Variants in KANSL1 observed in about 807,000 individuals in gnomAD.
The protein encoded by KANSL1 is KAT8 regulatory NSL complex subunit 1.
KANSL1 carries 22 observed loss-of-function variants against 103.6 expected under a neutral mutation model. The ratio of observed to expected loss-of-function variants is 0.21; its 90% CI spans 0.15 to 0.30. The LOEUF is 0.30. KANSL1 is among the 10% of genes least tolerant of loss of function. KANSL1 has a pLI of 1.00. For missense variants in KANSL1, 1,337 were observed against 1,399.8 expected (o/e 0.96, Z 0.72); for synonymous variants, 600 against 527.6 (o/e 1.14, Z -1.88).
chr17:46,109,411 T>C (rs1026841856), intron 2 of KANSL1, among the ~76,000 whole-genome samples: 20 of 152,354 alleles, frequency 1.3e-4, no homozygotes, highest in Admixed American at 4.6e-4. Flanking sequence ...AATTATATGA[T>C]ACGTGTAAGA....
At chr17:46,217,243 A>G (rs1178467389) in intron 1 of KANSL1, among the ~76,000 whole-genome samples, 1 of 152,132 alleles carries the variant, frequency 6.6e-6, no homozygotes, top group African/African-American at 2.4e-5. Flanking sequence ...TAAGAGGCCG[A>G]GGTGGGTGGA....
In KANSL1 at chr17:46,039,175, C is replaced by G; in HGVS notation, c.2244G>C (p.Arg748Ser). 6.2e-7 allele frequency: 1 copy of G among 1,602,910 alleles called. No homozygotes were observed. The highest frequency in any genetic ancestry group is 8.5e-7 in the Non-Finnish European group (1 of 1,176,328). ...CGGCCCCCACATCGTCTAAGTGCTG[C>G]CTGTGGGTCCTGTCAGGCCGGGTTT... is the stretch of plus-strand genomic sequence containing the variant. ...HHQTRPDRTH[R>S]QHLDDVGAVP... The change falls in exon 9 of 15, where the codon AGG becomes AGC. Residue 748 changes from arginine (R) to serine (S), a missense_variant. Physicochemically the swap from Arg to Ser is moderately radical, Grantham distance 110 (BLOSUM62 -1). Around this residue, in one of 2 missense-constraint regions of KANSL1, gnomAD observed 780 missense variants for 923.4 expected, o/e 0.84. Coordinates refer to ENST00000432791, the MANE Select transcript of KANSL1 (RefSeq NM_015443.4).
At chr17:46,174,941 C>A (rs969481092) in intron 1 of KANSL1, among the ~76,000 whole-genome samples, 14 of 152,218 alleles carry the variant, frequency 9.2e-5, no homozygotes, top group Non-Finnish European at 1.3e-4. Flanking sequence ...TAGGCATAAG[C>A]CGCCATGCCC....
chr17:46,054,041 T>C (rs185573290), intron 6 of KANSL1, among the ~76,000 whole-genome samples: 19 of 152,284 alleles, frequency 1.2e-4, no homozygotes, highest in African/African-American at 4.6e-4. Flanking sequence ...GGTGGCTCAC[T>C]TGAGCCCAGG....
At chr17:46,059,047 G>A (rs1371411621) in intron 6 of KANSL1, among the ~76,000 whole-genome samples, 12 of 136,528 alleles carry the variant, frequency 8.8e-5, no homozygotes, top group East Asian at 2.0e-4. Flanking sequence ...ACTCCATCTC[G>A]GAAAAAAAAA....
At chr17:46,144,124 G>GA (rs1253731648) in intron 2 of KANSL1, among the ~76,000 whole-genome samples, 5 of 152,140 alleles carry the variant, frequency 3.3e-5, no homozygotes, top group African/African-American at 1.2e-4. Flanking sequence ...TTAGGTCAAG[G>GA]AAAGATATAA....
chr17:46,084,360 C>A (rs986108153), intron 3 of KANSL1, among the ~76,000 whole-genome samples: 1 of 151,730 alleles, frequency 6.6e-6, no homozygotes, highest in African/African-American at 2.4e-5. Flanking sequence ...CCAGCCTGGG[C>A]GACAGACCAA....
In KANSL1 at chr17:46,173,265, T is replaced by C. The variant is rs187856430; in HGVS notation, c.-89-1033A>G. Among the ~76,000 whole-genome samples, 403 of 152,322 alleles carry C rather than the reference T, an allele frequency of 2.6e-3. 3 individuals carry two copies. Among genetic ancestry groups the C allele is most frequent in the Non-Finnish European group, 2.5e-3 (170 of 68,030 alleles). On this transcript the variant is annotated intron_variant, in intron 1 of 14. Coordinates refer to ENST00000432791, the MANE Select transcript of KANSL1 (RefSeq NM_015443.4). ...CTAGTATGGTGAGGTTTCTTAACCA[T>C]AAGAAAAACTTCTGAGCTGCACTAA...
intron 2 of KANSL1, among the ~76,000 whole-genome samples, chr17:46,098,168 C>T (rs552164825): frequency 2.0e-5 from 3 of 150,024 alleles, no homozygotes; most frequent in Non-Finnish European, 4.4e-5. Context: ...AACAAAAATG[C>T]CCCCTACCCA....
At chr17:46,076,723 T>C (rs997032343) in intron 4 of KANSL1, among the ~76,000 whole-genome samples, 3 of 151,934 alleles carry the variant, frequency 2.0e-5, no homozygotes, top group Non-Finnish European at 4.4e-5. Flanking sequence ...TTTTCAGAAG[T>C]TTTATGGTTT....
intron 2 of KANSL1, among the ~76,000 whole-genome samples, chr17:46,139,755 C>CTT (rs2044327955): frequency 6.6e-6 from 1 of 152,126 alleles, no homozygotes; most frequent in Admixed American, 6.5e-5. Flanking sequence ...CGTCCCTCTC[C>CTT]TACAACAGCA....
At chr17:46,047,348 T>C (rs866534529) in intron 7 of KANSL1, among the ~76,000 whole-genome samples, 76 of 152,246 alleles carry the variant, frequency 5.0e-4, no homozygotes, top group African/African-American at 1.7e-3. Context: ...AAATAAACTT[T>C]TGTTGCAACA....
At chr17:46,096,311 C>CTTTTTCTT (rs1555760872) in intron 2 of KANSL1, among the ~76,000 whole-genome samples, 1 of 76,406 alleles carries the variant, frequency 1.3e-5, no homozygotes, top group African/African-American at 5.6e-5. Context: ...GCTTTTTTTT[C>CTTTTTCTT]TTTTTTTTTT....
At chr17:46,157,313 A>G (rs2045483922) in intron 2 of KANSL1, among the ~76,000 whole-genome samples, 1 of 152,250 alleles carries the variant, frequency 6.6e-6, no homozygotes, top group Non-Finnish European at 1.5e-5. Context: ...CCCAAGAGCA[A>G]TTCTGTACCT....
intron 2 of KANSL1, among the ~76,000 whole-genome samples, chr17:46,143,825 AAAAG>A (rs1299301153): frequency 1.3e-5 from 2 of 150,882 alleles, no homozygotes; most frequent in South Asian, 2.1e-4. Context: ...AAAAAAAAAA[AAAAG>A]AAGTTGTTAT....
At chr17:46,058,741 A>ACTCTCTCT (rs1286306364) in intron 6 of KANSL1, among the ~76,000 whole-genome samples, 6 of 73,588 alleles carry the variant, frequency 8.2e-5, no homozygotes, top group African/African-American at 2.3e-4. Flanking sequence ...ACACACACAC[A>ACTCTCTCT]CACTCTCTCT....
chr17:46,085,906 G>A (rs1328429466), intron 3 of KANSL1, among the ~76,000 whole-genome samples: 1 of 152,160 alleles, frequency 6.6e-6, no homozygotes, highest in Non-Finnish European at 1.5e-5. Context: ...GGGATTACAT[G>A]TGCAAGCCGC....
chr17:46,162,865 T>C (rs1319328221), intron 2 of KANSL1, among the ~76,000 whole-genome samples: 1 of 152,260 alleles, frequency 6.6e-6, no homozygotes, highest in East Asian at 1.9e-4. Context: ...AAATACACTA[T>C]ACTTTGCTCT....
At chr17:46,081,052 G>A (rs2078972385) in intron 4 of KANSL1, among the ~76,000 whole-genome samples, 1 of 152,036 alleles carries the variant, frequency 6.6e-6, no homozygotes, top group African/African-American at 2.4e-5. Context: ...GAGTGTGTGT[G>A]TACAAGTGAA....
Sources: gnomAD v4.1 joint callset for allele counts (sites outside exome capture counted in the v4.1 genomes callset) on GRCh38, gnomAD v4.1.1 for gene constraint, gnomAD v4.1.1 regional missense constraint, MANE v1.5 for transcripts, NCBI Gene and HGNC (gene_info 2026-07-23, HGNC 2026-07-21) for gene names.